The following CNKSR3 variants were observed in gnomAD, a reference collection of about 807,000 sequenced individuals.
The protein encoded by CNKSR3 is connector enhancer of kinase suppressor of ras 3.
A neutral mutation model predicts 67.7 loss-of-function variants in CNKSR3; 36 were observed. The observed-to-expected ratio is 0.53, with a 90% CI of 0.41 to 0.70. The LOEUF is 0.70. CNKSR3 is among the 30% of genes least tolerant of loss of function. The probability of loss-of-function intolerance (pLI) is 0.00; values close to 1 mark genes in which losing one functional copy is unlikely to be tolerated. For missense variants in CNKSR3, 630 were observed against 695.2 expected, an observed-to-expected ratio of 0.91 and a Z score of 1.05; for synonymous variants, 281 against 271.4, an observed-to-expected ratio of 1.04 and a Z score of -0.35.
chr6:154,479,226 A>AT (rs1182651708), intron 1 of CNKSR3, among the ~76,000 whole-genome samples: 165 of 119,616 alleles, frequency 1.4e-3, no homozygotes, highest in East Asian at 4.7e-3. Context: ...AGAAAAAAAA[A>AT]AAAAATATTC....
At chr6:154,490,430 T>A (rs148365616) in intron 1 of CNKSR3, among the ~76,000 whole-genome samples, 3 of 152,362 alleles carry the variant, frequency 2.0e-5, no homozygotes, top group Non-Finnish European at 2.9e-5. Context: ...GTATTATGCA[T>A]GTATATATGA....
In CNKSR3 at chr6:154,390,264, C is replaced by G. The variant is rs1475222371; in HGVS notation, c.*16090G>C. 4.6e-5 allele frequency: 7 copies of G among 152,242 alleles called. No homozygotes were observed. The highest frequency in any genetic ancestry group is 1.7e-4 in the African/African-American group (7 of 41,438). The allele number at this position is 152,242 out of a possible 1,614,324, so 9.4% of individuals were successfully genotyped here. A position where few individuals can be genotyped will look rare whatever the true frequency, so the allele number is the denominator to read the frequency against. On this transcript the variant is annotated 3_prime_UTR_variant, in exon 13 of 13. Coordinates refer to ENST00000607772, the MANE Select transcript of CNKSR3 (RefSeq NM_173515.4). The stretch of plus-strand genomic sequence containing the variant: ...CAACTCACCTAGGCTACCAAGTTCC[C>G]TTCTAGGCTGATTAGAGTTGGTTAT...
At chr6:154,454,900 G>A (rs961307332) in intron 1 of CNKSR3, among the ~76,000 whole-genome samples, 1 of 152,074 alleles carries the variant, frequency 6.6e-6, no homozygotes, top group South Asian at 2.1e-4. Flanking sequence ...CAAATGCTTA[G>A]ATGGCTATGT....
At chr6:154,439,972 G>A (rs1785547949) in intron 4 of CNKSR3, among the ~76,000 whole-genome samples, 1 of 152,150 alleles carries the variant, frequency 6.6e-6, no homozygotes, top group Admixed American at 6.5e-5. Context: ...CTCAAGGTAG[G>A]TATCAGGGAA....
chr6:154,432,001 C>CCTTTGGT (rs1785377959), intron 5 of CNKSR3, among the ~76,000 whole-genome samples: 6 of 152,072 alleles, frequency 3.9e-5, no homozygotes, highest in African/African-American at 1.4e-4. Context: ...TGTAAATTTT[C>CCTTTGGT]AACTCCTTTG....
chr6:154,491,268 A>G lies in CNKSR3; in HGVS notation c.52+18795T>C, dbSNP rs961810847. ...TGCCCTGTAGTCTAAATGCCTGTTG[A>G]TTTGTCTGTATTCCACTTAACTGAA... is the stretch of plus-strand genomic sequence containing the variant. On this transcript the variant is annotated intron_variant, in intron 1 of 12. Coordinates refer to ENST00000607772, the MANE Select transcript of CNKSR3 (RefSeq NM_173515.4). 2.6e-5 allele frequency among the ~76,000 whole-genome samples: 4 copies of G among 152,114 alleles called. No individual in the cohort carries two copies. The South Asian group carries it at 8.3e-4, about 31-fold the overall frequency.
In CNKSR3 at chr6:154,441,308, G is replaced by A. The variant is rs1326886626; in HGVS notation, c.491C>T (p.Thr164Ile). The change falls in exon 4 of 13, where the codon ACC becomes ATC. Residue 164 changes from threonine to isoleucine, a missense_variant. Physicochemically the swap from Thr to Ile is moderately conservative, Grantham distance 89 (BLOSUM62 -1). This residue lies in a region of CNKSR3 where 189 missense variants were observed against 205.0 expected (regional missense o/e 0.92). Transcript: ENST00000607772. ...NKIIQLCLDLTTTVQKDCFVA... is the reference protein window; with the variant it reads ...NKIIQLCLDLITTVQKDCFVA... ...ACTACTGACCTTCTGGACTGTAGTG[G>A]TCAGGTCCAAGCAAAGCTGGATAAT... 5 of 1,609,896 alleles carry A rather than the reference G, an allele frequency of 3.1e-6. No individual in the cohort carries two copies. Among genetic ancestry groups the A allele is most frequent in the Non-Finnish European group, 4.2e-6 (5 of 1,176,716 alleles).
intron 12 of CNKSR3, among the ~76,000 whole-genome samples, chr6:154,409,713 G>T (rs1398018897): frequency 6.6e-6 from 1 of 152,032 alleles, no homozygotes; most frequent in Non-Finnish European, 1.5e-5. Flanking sequence ...TTTTGAAAAA[G>T]ATTGTTTAAT....
intron 1 of CNKSR3, among the ~76,000 whole-genome samples, chr6:154,492,518 G>A (rs529429666): frequency 3.1e-4 from 47 of 152,138 alleles, no homozygotes; most frequent in African/African-American, 9.6e-4. Flanking sequence ...TGAGATGGGC[G>A]GATCACTTGA....
chr6:154,406,695 C>T lies in CNKSR3; in HGVS notation c.1370-43G>A, dbSNP rs1032507142. On this transcript the variant is annotated intron_variant, in intron 12 of 12. Transcript: ENST00000607772. ...CCATTAAGTCACAATCCCAGCCGGG[C>T]GTGGTGGCTCACACCTGTAATCTCC... 29 of 1,540,580 alleles carry T rather than the reference C, an allele frequency of 1.9e-5. 1 individual carries two copies. The Middle Eastern group carries it at 3.3e-3, about 177-fold the overall frequency.
intron 1 of CNKSR3, among the ~76,000 whole-genome samples, chr6:154,492,532 G>C (rs1486213838): frequency 6.6e-6 from 1 of 152,072 alleles, no homozygotes; most frequent in South Asian, 2.1e-4. Context: ...CACTTGATGA[G>C]GTCAGGAGTT....
Position 154,492,625 on chromosome 6 carries a change from A to G in CNKSR3, c.52+17438T>C, listed in dbSNP as rs559646525. On this transcript the variant is annotated intron_variant, in intron 1 of 12. Coordinates refer to ENST00000607772, the MANE Select transcript of CNKSR3 (RefSeq NM_173515.4). ...GCCTGGCGTGATGATGCATACCTGTAATCCCAGCTACTAGGGTGGCTGAGG... is the reference window on the plus strand; with the variant it reads ...GCCTGGCGTGATGATGCATACCTGTGATCCCAGCTACTAGGGTGGCTGAGG... 8.5e-5 allele frequency among the ~76,000 whole-genome samples: 13 copies of G among 152,118 alleles called. No individual in the cohort carries two copies. The East Asian group carries it at 2.5e-3, about 29-fold the overall frequency.
intron 1 of CNKSR3, among the ~76,000 whole-genome samples, chr6:154,465,419 GCTTT>G (rs2114619508): frequency 1.3e-5 from 2 of 152,128 alleles, no homozygotes; most frequent in Middle Eastern, 3.4e-3. Flanking sequence ...CATGGCAGGT[GCTTT>G]CTAAGACTTA....
At position 154,441,275 on chromosome 6, in the gene CNKSR3, A is replaced by T. The variant is rs1785578415; in HGVS notation, c.507+17T>A. 4 of 1,476,180 alleles carry T rather than the reference A, an allele frequency of 2.7e-6. No homozygotes were observed. Among genetic ancestry groups the T allele is most frequent in the Admixed American group, 2.1e-5 (1 of 47,236 alleles). The allele number at this position is 1,476,180 out of a possible 1,614,324, so 91.4% of individuals were successfully genotyped here. On this transcript the variant is annotated intron_variant, in intron 4 of 12. Coordinates refer to ENST00000607772, the MANE Select transcript of CNKSR3 (RefSeq NM_173515.4). ...AAAAAAAAAAAAAAAAGAAAGTGAA[A>T]ATGACATACTACTGACCTTCTGGAC...
chr6:154,448,838 C>T (rs553079384), intron 2 of CNKSR3, among the ~76,000 whole-genome samples: 44 of 152,264 alleles, frequency 2.9e-4, no homozygotes, highest in African/African-American at 9.4e-4. Flanking sequence ...AGACCAGCGA[C>T]GGCAAAATCA....
chr6:154,457,905 C>T (rs974393566), intron 1 of CNKSR3, among the ~76,000 whole-genome samples: 4 of 152,314 alleles, frequency 2.6e-5, no homozygotes, highest in African/African-American at 9.6e-5. Context: ...GTAACTCACC[C>T]TACTGGTGAG....
chr6:154,501,791 C>T (rs78089296), intron 1 of CNKSR3, among the ~76,000 whole-genome samples: 6,374 of 152,236 alleles, frequency 0.042, 187 homozygotes, highest in Middle Eastern at 0.095. Context: ...GTCACCCACA[C>T]ATCTACCACA....
At position 154,404,089 on chromosome 6, in the gene CNKSR3, C is replaced by G. The variant is rs1184156893; in HGVS notation, c.*2265G>C. 6.6e-6 allele frequency: 1 copy of G among 152,330 alleles called. No individual in the cohort carries two copies. The highest frequency in any genetic ancestry group is 1.5e-5 in the Non-Finnish European group (1 of 68,126). 9.4% of individuals were successfully genotyped at this position (152,330 alleles called of 1,614,324 possible). A position where few individuals can be genotyped will look rare whatever the true frequency, so the allele number is the denominator to read the frequency against. On this transcript the variant is annotated 3_prime_UTR_variant, in exon 13 of 13. Transcript: ENST00000607772. Reference sequence around the variant, plus strand: ...CTACACGAGACCTCCCCAGCCCACACCCCACCCTCCTAGTGTGTTGAACAC... The same window carrying G: ...CTACACGAGACCTCCCCAGCCCACAGCCCACCCTCCTAGTGTGTTGAACAC...
intron 1 of CNKSR3, among the ~76,000 whole-genome samples, chr6:154,503,077 A>G (rs1230545413): frequency 1.3e-5 from 2 of 152,080 alleles, no homozygotes; most frequent in Admixed American, 6.6e-5. Flanking sequence ...AGTTTTTAGA[A>G]CTGCCATGGT....
Sources: allele counts gnomAD v4.1 joint callset (sites outside exome capture counted in the v4.1 genomes callset), GRCh38; gene constraint gnomAD v4.1.1; regional missense constraint gnomAD v4.1.1; transcripts MANE v1.5; gene names NCBI Gene and HGNC (gene_info 2026-07-23, HGNC 2026-07-21).